Variants in NFAM1 observed in about 807,000 individuals in gnomAD.
NFAM1 encodes the protein NFAT activation molecule 1.
In NFAM1, 17 loss-of-function variants were observed where a neutral mutation model predicts 29.0. That is an observed-to-expected ratio of 0.59 (90% CI 0.40 to 0.88). The LOEUF (loss-of-function observed/expected upper bound fraction) is 0.88. Among genes scored for constraint, NFAM1 ranks in the 40% least tolerant of loss-of-function variants. The pLI is 0.00. For synonymous variants in NFAM1, 175 were observed against 147.2 expected (o/e 1.19, Z -1.36); for missense variants, 324 against 344.6 (o/e 0.94, Z 0.47).
At chr22:42,427,179 G>A (rs962062420) in intron 1 of NFAM1, among the ~76,000 whole-genome samples, 5 of 151,988 alleles carry the variant, frequency 3.3e-5, no homozygotes, top group African/African-American at 4.8e-5. Flanking sequence ...TGTTGCCCAC[G>A]TCCCCACTAG....
chr22:42,391,909 C>T (rs1274865157), intron 4 of NFAM1, among the ~76,000 whole-genome samples: 2 of 141,168 alleles, frequency 1.4e-5, no homozygotes, highest in Non-Finnish European at 3.0e-5. Context: ...CACGCCACTG[C>T]ACTCCAGCCT....
chr22:42,404,601 C>T (rs1929831208), intron 3 of NFAM1, among the ~76,000 whole-genome samples: 1 of 152,056 alleles, frequency 6.6e-6, no homozygotes, highest in Non-Finnish European at 1.5e-5. Flanking sequence ...TGTCAGGCAC[C>T]CAACTGGTGC....
chr22:42,418,129 C>T (rs1311701785), intron 1 of NFAM1, among the ~76,000 whole-genome samples: 1 of 152,176 alleles, frequency 6.6e-6, no homozygotes, highest in Admixed American at 6.6e-5. Context: ...GGGCGATGAG[C>T]GGGGGCGTTT....
At chr22:42,408,738 C>T (rs997398145) in intron 3 of NFAM1, among the ~76,000 whole-genome samples, 1 of 152,198 alleles carries the variant, frequency 6.6e-6, no homozygotes, top group Non-Finnish European at 1.5e-5. Flanking sequence ...TGATGATGAG[C>T]ATGAGGGGAG....
chr22:42,435,273 C>A (rs9623595), upstream of NFAM1, among the ~76,000 whole-genome samples: 134 of 152,112 alleles, frequency 8.8e-4, no homozygotes, highest in African/African-American at 3.0e-3. Context: ...TCCCCAGGGG[C>A]CTCCTCGACA....
Position 42,409,601 on chromosome 22 carries a change from C to T in NFAM1, c.452-54G>A, listed in dbSNP as rs1930015406. On this transcript the variant is annotated intron_variant, in intron 2 of 5. Coordinates refer to ENST00000329021, the MANE Select transcript of NFAM1 (RefSeq NM_145912.8). The surrounding 1 kb of genome is among the most constrained non-coding windows in gnomAD (Gnocchi z 4.9). The stretch of plus-strand genomic sequence containing the variant: ...GTCAGTGACCCAGGAGAAAGCGGGG[C>T]ACACACACCTGATGTTCTCCCTCAC... 1.2e-6 allele frequency: 1 copy of T among 829,084 alleles called. No homozygotes were observed. The highest frequency in any genetic ancestry group is 1.8e-6 in the Non-Finnish European group (1 of 543,282). 51.4% of individuals were successfully genotyped at this position (829,084 alleles called of 1,614,324 possible).
Position 42,388,261 on chromosome 22 carries a change from G to A in NFAM1, c.664-1183C>T, listed in dbSNP as rs910781642. On this transcript the variant is annotated intron_variant, in intron 4 of 5. Transcript: ENST00000329021. This position sits in a 1 kb window ranked among gnomAD's most constrained non-coding sequence, Gnocchi z 4.1. ...AACCGCTCCATGCCTCAGTTTCCAC[G>A]TCTGTAAAATGGGAATAATCACATC... 2.0e-5 allele frequency among the ~76,000 whole-genome samples: 3 copies of A among 152,188 alleles called. No individual in the cohort carries two copies. The highest frequency in any genetic ancestry group is 4.4e-5 in the Non-Finnish European group (3 of 68,036).
chr22:42,403,648 A>G (rs1433906327), intron 3 of NFAM1, among the ~76,000 whole-genome samples: 2 of 152,220 alleles, frequency 1.3e-5, no homozygotes, highest in Non-Finnish European at 2.9e-5. Flanking sequence ...CAGGTGTGAA[A>G]GGGCCCTATA....
At chr22:42,396,365 G>A (rs1182902231) in intron 4 of NFAM1, among the ~76,000 whole-genome samples, 8 of 152,190 alleles carry the variant, frequency 5.3e-5, no homozygotes, top group Non-Finnish European at 1.0e-4. Context: ...GTATGTGTGA[G>A]TGCGTATGGG....
chr22:42,413,649 C>T (rs1023943653), intron 1 of NFAM1, among the ~76,000 whole-genome samples: 2 of 152,018 alleles, frequency 1.3e-5, no homozygotes, highest in Non-Finnish European at 2.9e-5. Flanking sequence ...TCAGGAGCCG[C>T]GGTGGCTCAG....
At position 42,411,424 on chromosome 22, in the gene NFAM1, G is replaced by A. The variant is rs778608277; in HGVS notation, c.434C>T (p.Thr145Ile). 4 of 1,613,490 alleles carry A rather than the reference G, an allele frequency of 2.5e-6. No individual in the cohort carries two copies. Among genetic ancestry groups the A allele is most frequent in the South Asian group, 2.2e-5 (2 of 91,020 alleles). The change falls in exon 2 of 6, where the codon ACC (threonine) becomes ATC (isoleucine). Residue 145 changes from threonine (T) to isoleucine (I), a missense_variant. By Grantham distance (89) the Thr-to-Ile change is moderately conservative. Coordinates refer to ENST00000329021, the MANE Select transcript of NFAM1 (RefSeq NM_145912.8). ...WPHSTVRGSG[T>I]FILVRDAGYR... ...AGCCTTACCTCTGACCAGGATGAAG[G>A]TGCCGCTGCCTCTCACCGTGGAGTG...
chr22:42,409,804 C>T lies in NFAM1; in HGVS notation c.452-257G>A, dbSNP rs1402855314. Among the ~76,000 whole-genome samples the T allele has an allele frequency of 3.9e-5, 6 of 152,180 alleles. No homozygotes were observed. The highest frequency in any genetic ancestry group is 1.4e-4 in the African/African-American group (6 of 41,452). On this transcript the variant is annotated intron_variant, in intron 2 of 5. Transcript: ENST00000329021. This position sits in a 1 kb window ranked among gnomAD's most constrained non-coding sequence, Gnocchi z 4.9. ...GTGCCCCTGCCCCCGTGACCTGGCT[C>T]CCCTGTGGGCTGCTTGTAGGGCCCT...
rs73886099 is a variant in NFAM1 at position 42,419,802 on chromosome 22, G to T, written c.122-8066C>A. On this transcript the variant is annotated intron_variant, in intron 1 of 5. Coordinates refer to ENST00000329021, the MANE Select transcript of NFAM1 (RefSeq NM_145912.8). The surrounding 1 kb of genome is among the most constrained non-coding windows in gnomAD (Gnocchi z 4.5). ...CCACTCCTGGGTGTCTGGCTGCCCC[G>T]CACAGCACAGACTCTCAGGCGTCAC... 0.05 allele frequency among the ~76,000 whole-genome samples: 7,601 copies of T among 152,086 alleles called. 322 individuals are homozygous for T. The highest frequency in any genetic ancestry group is 0.099 in the African/African-American group (4,107 of 41,460).
upstream of NFAM1, among the ~76,000 whole-genome samples, chr22:42,434,720 G>GCC (rs1930900163): frequency 6.6e-6 from 1 of 152,216 alleles, no homozygotes; most frequent in Non-Finnish European, 1.5e-5. Flanking sequence ...AACAGTAAAG[G>GCC]CCCCAAAGGC....
intron 4 of NFAM1, among the ~76,000 whole-genome samples, chr22:42,394,833 T>C (rs1364044791): frequency 1.3e-5 from 2 of 152,130 alleles, no homozygotes; most frequent in Non-Finnish European, 2.9e-5. Flanking sequence ...GGTATAAGGA[T>C]TGGGCCGGGT....
intron 5 of NFAM1, among the ~76,000 whole-genome samples, chr22:42,385,681 C>A (rs944817109): frequency 1.3e-5 from 2 of 152,090 alleles, no homozygotes; most frequent in African/African-American, 4.8e-5. Flanking sequence ...GGTCAGCGAC[C>A]TATTCCTGCA....
intron 4 of NFAM1, among the ~76,000 whole-genome samples, chr22:42,393,452 A>T (rs1431709266): frequency 6.6e-6 from 1 of 151,930 alleles, no homozygotes; most frequent in African/African-American, 2.4e-5. Context: ...TCTGTGGCCC[A>T]GGCTGGAGTG....
rs1338105401 is a variant in NFAM1 at position 42,382,576 on chromosome 22, CCT to C, written c.*2583_*2584del. 2.0e-5 allele frequency: 3 copies of C among 152,384 alleles called. No homozygotes were observed. Among genetic ancestry groups the C allele is most frequent in the African/African-American group, 4.8e-5 (2 of 41,402 alleles). 9.4% of individuals were successfully genotyped at this position (152,384 alleles called of 1,614,324 possible). On this transcript the variant is annotated 3_prime_UTR_variant, in exon 6 of 6. Coordinates refer to ENST00000329021, the MANE Select transcript of NFAM1 (RefSeq NM_145912.8). ...GCTCCCATTCATACCCTCTCTGTCC[CCT>C]CTCTGTTCTTCCTCCTCCCGCCTGC...
intron 3 of NFAM1, among the ~76,000 whole-genome samples, chr22:42,399,727 G>A (rs117639252): frequency 0.04 from 6,113 of 152,220 alleles, 191 homozygotes; most frequent in Middle Eastern, 0.1. Context: ...GGAGGCAGAG[G>A]GAGGTGGCCT....
Sources: allele counts gnomAD v4.1 joint callset (sites outside exome capture counted in the v4.1 genomes callset), GRCh38; gene constraint gnomAD v4.1.1; non-coding constraint Gnocchi (gnomAD v3.1); transcripts MANE v1.5; gene names NCBI Gene and HGNC (gene_info 2026-07-23, HGNC 2026-07-21).